AMPD3: variants seen among roughly 807,000 people sequenced by gnomAD.
The protein encoded by AMPD3 is adenosine monophosphate deaminase 3, also known as AMP deaminase 3.
A neutral mutation model predicts 82.3 loss-of-function variants in AMPD3; 57 were observed. That is an observed-to-expected ratio of 0.69 (90% CI 0.56 to 0.86). The LOEUF (loss-of-function observed/expected upper bound fraction) is 0.86. Among genes scored for constraint, AMPD3 ranks in the 40% least tolerant of loss-of-function variants. The pLI, the probability that AMPD3 is intolerant of heterozygous loss-of-function variation, is 0.00. For missense variants in AMPD3, 870 were observed against 1,003.8 expected (o/e 0.87, Z 1.80); for synonymous variants, 381 against 394.7 (o/e 0.97, Z 0.41).
chr11:10,485,123 C>T, intron 5 of AMPD3, 84 bp downstream of exon 5: 1 of 1,268,256 alleles, frequency 7.9e-7, no homozygotes, highest in Non-Finnish European at 1.1e-6. Context: ...ACCCCTCTGC[C>T]CTGGGGTCCC....
At chr11:10,452,606 C>T (rs1451503173), upstream of AMPD3, among the ~76,000 whole-genome samples, 1 of 152,114 alleles carries the variant, frequency 6.6e-6, no homozygotes, top group Non-Finnish European at 1.5e-5. Flanking sequence ...GAGTGCCAGG[C>T]ACATGGTGGT....
intron 11 of AMPD3, among the ~76,000 whole-genome samples, 171 bp downstream of exon 11, chr11:10,500,420 A>G (rs1300303221): frequency 1.3e-5 from 2 of 152,224 alleles, no homozygotes; most frequent in African/African-American, 2.4e-5. Flanking sequence ...CCAGCCTGCT[A>G]TATGAGGCAT....
At chr11:10,458,973 A>G (rs1293969358) in intron 1 of AMPD3, among the ~76,000 whole-genome samples, 1 of 152,078 alleles carries the variant, frequency 6.6e-6, no homozygotes, top group Non-Finnish European at 1.5e-5. Flanking sequence ...GTTTCGTTTC[A>G]GCCTGATGGA....
chr11:10,458,199 A>T (rs1848153744), intron 1 of AMPD3, among the ~76,000 whole-genome samples: 2 of 143,344 alleles, frequency 1.4e-5, no homozygotes, highest in South Asian at 2.2e-4. Flanking sequence ...GCCTCAAGTG[A>T]TCCTTCCTCC....
chr11:10,495,851 T>G, intron 9 of AMPD3, 118 bp downstream of exon 9: 2 of 1,331,024 alleles, frequency 1.5e-6, no homozygotes, highest in Non-Finnish European at 2.1e-6. Flanking sequence ...AGCTTACGCT[T>G]GTCCTTTCCA....
intron 10 of AMPD3, chr11:10,498,336 G>A (rs577417525): frequency 6.5e-6 from 1 of 152,768 alleles, no homozygotes; most frequent in African/African-American, 2.4e-5. Flanking sequence ...CTGTCCGAAG[G>A]TTGCTGCCAG....
intron 2 of AMPD3, among the ~76,000 whole-genome samples, chr11:10,466,575 G>T (rs180854954): frequency 3.3e-4 from 50 of 152,302 alleles, no homozygotes; most frequent in East Asian, 3.3e-3. Context: ...CATCTCCCTG[G>T]GACAGAGCAC....
intron 3 of AMPD3, chr11:10,479,825 C>A: frequency 1.2e-6 from 1 of 846,484 alleles, no homozygotes; most frequent in Non-Finnish European, 1.4e-6. Flanking sequence ...AAAATATGTA[C>A]ATAGTATTCC....
chr11:10,482,311 C>A, intron 4 of AMPD3, 86 bp downstream of exon 4: 1 of 1,452,062 alleles, frequency 6.9e-7, no homozygotes, highest in East Asian at 2.3e-5. Flanking sequence ...GTCTATTTCC[C>A]CTGATAGTAT....
At chr11:10,451,091 A>G (rs1004180885), upstream of AMPD3, 16 of 1,551,454 alleles carry the variant, frequency 1.0e-5, no homozygotes, top group Admixed American at 1.1e-4. Flanking sequence ...AGCCCCGCGG[A>G]CCCTGCGGCC....
At chr11:10,464,465 C>A (rs568314166) in intron 2 of AMPD3, among the ~76,000 whole-genome samples, 28 of 152,244 alleles carry the variant, frequency 1.8e-4, no homozygotes, top group Admixed American at 9.2e-4. Context: ...TAAGGCTATC[C>A]CCTCTTCAGG....
At position 10,494,969 on chromosome 11, in the gene AMPD3, G is replaced by A. The variant is rs751465671; in HGVS notation, c.1205G>A (p.Arg402His). 1.9e-5 allele frequency: 31 copies of A among 1,614,118 alleles called. No homozygotes were observed. The highest frequency in any genetic ancestry group is 1.6e-4 in the Middle Eastern group (1 of 6,082). ...KYNPVGASEL[R>H]DLYLKTENYL... ...AACCCTGTGGGGGCCAGTGAGCTGCGTGACCTGTATTTGAAAACTGAAAAC... is the reference window on the plus strand; with the variant it reads ...AACCCTGTGGGGGCCAGTGAGCTGCATGACCTGTATTTGAAAACTGAAAAC... The change falls in exon 8 of 15, where the codon CGT becomes CAT. Residue 402 changes from arginine to histidine, a missense_variant. Physicochemically the swap from Arg to His is conservative, Grantham distance 29. Transcript: ENST00000396553.
rs775027657 is a variant in AMPD3 at position 10,478,731 on chromosome 11, G to C, written c.426+1G>C. 3 of 1,611,260 alleles carry C rather than the reference G, an allele frequency of 1.9e-6. No individual in the cohort carries two copies. Among genetic ancestry groups the C allele is most frequent in the South Asian group, 2.2e-5 (2 of 91,084 alleles). On this transcript the variant is annotated splice_donor_variant, in intron 3 of 14. Transcript: ENST00000396553. LOFTEE classifies it high-confidence loss of function. ...CATCAGCGGAGATTACTGTGCCGGG[G>C]TAAGGCGTCTGTGAGAGTGTTGAAT... is the stretch of plus-strand genomic sequence containing the variant.
In AMPD3 at chr11:10,505,833, CTTCCTGTCTGA is replaced by C; in HGVS notation, c.2255_2265del (p.Phe752CysfsTer33). ...ATGAGACCTTATGCAATGAGCTCAGCTTCCTGTCTGATGCTATGAAATCAGAAGAGATCACC... is the reference window on the plus strand; with the variant it reads ...ATGAGACCTTATGCAATGAGCTCAGCTGCTATGAAATCAGAAGAGATCACC... On this transcript the variant is annotated frameshift_variant, in exon 15 of 15. Transcript: ENST00000396553. LOFTEE classifies it high-confidence loss of function. The C allele has an allele frequency of 6.2e-7, 1 of 1,614,172 alleles. No individual in the cohort carries two copies. The highest frequency in any genetic ancestry group is 8.5e-7 in the Non-Finnish European group (1 of 1,180,042).
At chr11:10,493,033 C>T (rs1849283424) in intron 6 of AMPD3, among the ~76,000 whole-genome samples, 1 of 152,066 alleles carries the variant, frequency 6.6e-6, no homozygotes, top group South Asian at 2.1e-4. Flanking sequence ...GAATCTCAGG[C>T]CAAGGTGCTT....
chr11:10,453,131 G>A (rs918051222), upstream of AMPD3, among the ~76,000 whole-genome samples: 1 of 152,206 alleles, frequency 6.6e-6, no homozygotes, highest in African/African-American at 2.4e-5. Context: ...TGTGTTTTTA[G>A]TAGAGATGGG....
intron 2 of AMPD3, chr11:10,473,465 G>C (rs1423578736): frequency 6.1e-6 from 6 of 985,170 alleles, no homozygotes; most frequent in African/African-American, 1.7e-5. Context: ...AGGGGTTGTG[G>C]GGAAGGGAGG....
At position 10,504,626 on chromosome 11, in the gene AMPD3, G is replaced by C; in HGVS notation, c.2094G>C (p.Arg698Ser). The C allele has an allele frequency of 6.2e-7, 1 of 1,614,188 alleles. No homozygotes were observed. Among genetic ancestry groups the C allele is most frequent in the East Asian group, 2.2e-5 (1 of 44,884 alleles). ...CCTGCGACCTGTGTGAGATCGCCAGGAACAGCGTGCTGCAGAGCGGCCTCT... is the reference window on the plus strand; with the variant it reads ...CCTGCGACCTGTGTGAGATCGCCAGCAACAGCGTGCTGCAGAGCGGCCTCT... ...LSTCDLCEIA[R>S]NSVLQSGLSH... The change falls in exon 14 of 15, where the codon AGG becomes AGC. Residue 698 changes from arginine (R) to serine (S), a missense_variant. Transcript: ENST00000396553.
chr11:10,479,071 C>T (rs909736516), intron 3 of AMPD3, among the ~76,000 whole-genome samples: 7 of 151,920 alleles, frequency 4.6e-5, no homozygotes, highest in African/African-American at 1.7e-4. Context: ...TCAGTGTTGC[C>T]AAATGTTTAG....
Sources: gnomAD v4.1 joint callset for allele counts (sites outside exome capture counted in the v4.1 genomes callset) on GRCh38, gnomAD v4.1.1 for gene constraint, MANE v1.5 for transcripts, NCBI Gene and HGNC (gene_info 2026-07-23, HGNC 2026-07-21) for gene names.